Variants in PBX1 observed in about 807,000 individuals in gnomAD.
PBX1 encodes pre-B-cell leukemia transcription factor 1.
Under a neutral mutation model 53.4 loss-of-function variants are expected in PBX1, and 6 were observed. The ratio of observed to expected loss-of-function variants is 0.11; its 90% CI spans 0.06 to 0.22. PBX1 has a LOEUF of 0.22. PBX1 is among the 10% of genes least tolerant of loss of function. The probability of loss-of-function intolerance (pLI) is 1.00; values close to 1 mark genes in which losing one functional copy is unlikely to be tolerated. For synonymous variants in PBX1, 204 were observed against 212.3 expected, an observed-to-expected ratio of 0.96 and a Z score of 0.34; for missense variants, 251 against 551.4, an observed-to-expected ratio of 0.46 and a Z score of 5.46.
intron 2 of PBX1, among the ~76,000 whole-genome samples, chr1:164,789,802 G>A (rs938786062): frequency 6.6e-6 from 1 of 152,156 alleles, no homozygotes; most frequent in African/African-American, 2.4e-5. Flanking sequence ...AGCTTCGTGG[G>A]GAATGTTCCT....
At chr1:164,737,356 A>T (rs1467830985) in intron 2 of PBX1, among the ~76,000 whole-genome samples, 4 of 152,210 alleles carry the variant, frequency 2.6e-5, no homozygotes. Flanking sequence ...TTCAGTATTG[A>T]TATCCATTGT....
At chr1:164,772,010 AG>A (rs1398800938) in intron 2 of PBX1, among the ~76,000 whole-genome samples, 4 of 152,140 alleles carry the variant, frequency 2.6e-5, no homozygotes, top group Non-Finnish European at 4.4e-5. Context: ...CCCCAAGAAT[AG>A]GGGGGAAAAA....
chr1:164,560,224 G>C (rs999633711), intron 1 of PBX1: 1 of 488,758 alleles, frequency 2.0e-6, no homozygotes, highest in African/African-American at 2.0e-5. Flanking sequence ...ATGTGGCTGT[G>C]TACATATTTG....
chr1:164,580,599 G>A (rs1654545956), intron 2 of PBX1, among the ~76,000 whole-genome samples: 1 of 150,766 alleles, frequency 6.6e-6, no homozygotes, highest in Non-Finnish European at 1.5e-5. Context: ...TTTTTGAGAT[G>A]GAGTTTTGCT....
downstream of PBX1, among the ~76,000 whole-genome samples, chr1:164,853,123 T>C (rs1447270237): frequency 6.6e-6 from 1 of 152,224 alleles, no homozygotes; most frequent in Non-Finnish European, 1.5e-5. Context: ...TAGCTGCTTC[T>C]ACTCTGTGGC....
At chr1:164,656,813 T>G (rs1373009543) in intron 2 of PBX1, among the ~76,000 whole-genome samples, 3 of 152,128 alleles carry the variant, frequency 2.0e-5, no homozygotes, top group African/African-American at 7.2e-5. Flanking sequence ...TCTTATGTTA[T>G]ATAAATGATA....
intron 2 of PBX1, among the ~76,000 whole-genome samples, chr1:164,870,408 G>C (rs542822725): frequency 6.7e-6 from 1 of 149,130 alleles, no homozygotes; most frequent in Non-Finnish European, 1.5e-5. Flanking sequence ...GCAGTGGCAC[G>C]ATCTTAGCTC....
At chr1:164,881,199 C>T (rs988734554) in intron 2 of PBX1, among the ~76,000 whole-genome samples, 1 of 152,072 alleles carries the variant, frequency 6.6e-6, no homozygotes, top group Non-Finnish European at 1.5e-5. Context: ...AACAGCTCAC[C>T]CTTGAGTGCT....
chr1:164,848,708 C>T lies in PBX1; in HGVS notation c.*2032C>T. 2 of 1,056,564 alleles carry T rather than the reference C, an allele frequency of 1.9e-6. No individual in the cohort carries two copies. The highest frequency in any genetic ancestry group is 2.3e-6 in the Non-Finnish European group (2 of 873,774). 65.4% of individuals were successfully genotyped at this position (1,056,564 alleles called of 1,614,324 possible). ...ATATGTTGCCTTGTACATACTTGGT[C>T]CCTGTCACATTGACTGCTTGGGAGG... is the stretch of plus-strand genomic sequence containing the variant. On this transcript the variant is annotated 3_prime_UTR_variant, in exon 9 of 9. Transcript: ENST00000420696.
chr1:164,844,610 G>T (rs12141339), intron 8 of PBX1, among the ~76,000 whole-genome samples: 1 of 152,010 alleles, frequency 6.6e-6, no homozygotes, highest in East Asian at 1.9e-4. Flanking sequence ...TTAGCGATAA[G>T]TATATCTTAT....
At chr1:164,680,776 A>G (rs1420459419) in intron 2 of PBX1, 1 of 152,224 alleles carries the variant, frequency 6.6e-6, no homozygotes, top group African/African-American at 2.4e-5. Flanking sequence ...TGTAGAATAA[A>G]TCTATTGCTC....
rs113294533 is a variant in PBX1, at chr1:164,584,768, G to A, written c.265+21457G>A. Among the ~76,000 whole-genome samples, 1,421 of 152,210 alleles carry A rather than the reference G, an allele frequency of 9.3e-3. 13 individuals are homozygous for A. Among genetic ancestry groups the A allele is most frequent in the Middle Eastern group, 0.014 (4 of 294 alleles). ...CTGGACACAACCTTCCAGTGGGAGA[G>A]GCGGAGGTGAGGGGGCAGCTGCTTC... On this transcript the variant is annotated intron_variant, in intron 2 of 8. Transcript: ENST00000420696.
intron 2 of PBX1, among the ~76,000 whole-genome samples, chr1:164,885,480 T>C (rs1672756292): frequency 6.6e-6 from 1 of 152,210 alleles, no homozygotes; most frequent in Admixed American, 6.5e-5. Context: ...AGTTGCTTCA[T>C]GCTTCTAGGC....
At position 164,796,708 on chromosome 1, in the gene PBX1, G is replaced by A. The variant is rs181589830; in HGVS notation, c.511-2991G>A. ...TTCAGTGTCTGCTTCCAGAAACAAC[G>A]TTGCCCTGTAACCTGGGAGGTCTAT... On this transcript the variant is annotated intron_variant, in intron 3 of 8. Transcript: ENST00000420696. Among the ~76,000 whole-genome samples, 11 of 152,284 alleles carry A rather than the reference G, an allele frequency of 7.2e-5. No individual in the cohort carries two copies. The East Asian group carries it at 1.9e-3, about 27-fold the overall frequency.
intron 2 of PBX1, among the ~76,000 whole-genome samples, chr1:164,733,380 A>G (rs575222120): frequency 6.6e-6 from 1 of 152,232 alleles, no homozygotes; most frequent in South Asian, 2.1e-4. Flanking sequence ...GGTCCTGTGC[A>G]TCTCTGTGAA....
At chr1:164,646,778 C>T (rs1004848175) in intron 2 of PBX1, among the ~76,000 whole-genome samples, 5 of 152,226 alleles carry the variant, frequency 3.3e-5, no homozygotes, top group Non-Finnish European at 7.3e-5. Flanking sequence ...TTATTTTTCT[C>T]ACCACCCAAT....
intron 2 of PBX1, among the ~76,000 whole-genome samples, chr1:164,583,039 T>C (rs757457770): frequency 5.3e-5 from 8 of 152,248 alleles, no homozygotes; most frequent in Non-Finnish European, 1.0e-4. Context: ...GAGTACTTGC[T>C]ACTCTTTACT....
intron 6 of PBX1, chr1:164,819,845 A>G (rs770826829): frequency 1.4e-5 from 6 of 426,548 alleles, no homozygotes; most frequent in Non-Finnish European, 2.5e-5. Context: ...AAGCAGTTCT[A>G]TTGACAACTT....
chr1:164,821,596 C>T lies in PBX1; in HGVS notation c.1170C>T (p.Ala390=). 1 of 1,614,010 alleles carries T rather than the reference C, an allele frequency of 6.2e-7. No homozygotes were observed. Among genetic ancestry groups the T allele is most frequent in the South Asian group, 1.1e-5 (1 of 91,066 alleles). ...QTGGYSDGLA[A]SQMYSPQGIS... is the part of the protein sequence containing the mutation. Reference sequence around the variant, plus strand: ...GAGGATACAGTGATGGACTCGCAGCCAGTCAGATGTACAGTCCGCAGGGCA... The same window carrying T: ...GAGGATACAGTGATGGACTCGCAGCTAGTCAGATGTACAGTCCGCAGGGCA... Residue 390 remains alanine, a synonymous_variant, in exon 8 of 9, where the codon GCC becomes GCT. Coordinates refer to ENST00000420696, the MANE Select transcript of PBX1 (RefSeq NM_002585.4).
Sources: gnomAD v4.1 joint callset for allele counts (sites outside exome capture counted in the v4.1 genomes callset) on GRCh38, gnomAD v4.1.1 for gene constraint, MANE v1.5 for transcripts, NCBI Gene and HGNC (gene_info 2026-07-23, HGNC 2026-07-21) for gene names.